TMEM132D: variants seen among roughly 807,000 people sequenced by gnomAD.
TMEM132D encodes the protein transmembrane protein 132D.
TMEM132D carries 21 observed loss-of-function variants against 62.3 expected under a neutral mutation model. The ratio of observed to expected loss-of-function variants is 0.34; its 90% CI spans 0.24 to 0.49. The LOEUF is 0.49. Ranked by LOEUF, TMEM132D falls within the 20% of genes least tolerant of loss-of-function variation. The pLI is 0.99. For missense variants in TMEM132D, 1,346 were observed against 1,402.8 expected (o/e 0.96, Z 0.65); for synonymous variants, 621 against 575.6 (o/e 1.08, Z -1.13).
Position 129,611,118 on chromosome 12 carries a change from T to C in TMEM132D, c.969-79913A>G, listed in dbSNP as rs73157243. ...GCCTCACTGCCTTCCTTTCTTTTTCTTCCCTTCTTTATTTTTATTTTTGCA... is the reference window on the plus strand; with the variant it reads ...GCCTCACTGCCTTCCTTTCTTTTTCCTCCCTTCTTTATTTTTATTTTTGCA... On this transcript the variant is annotated intron_variant, in intron 2 of 8. Transcript: ENST00000422113. Among the ~76,000 whole-genome samples the C allele has an allele frequency of 9.8e-3, 1,492 of 152,328 alleles. 9 individuals carry two copies. Among genetic ancestry groups the C allele is most frequent in the Middle Eastern group, 0.017 (5 of 294 alleles).
chr12:129,330,856 A>G (rs1869080599), intron 4 of TMEM132D, among the ~76,000 whole-genome samples: 1 of 152,228 alleles, frequency 6.6e-6, no homozygotes, highest in Non-Finnish European at 1.5e-5. Flanking sequence ...GAATAAAATG[A>G]GACGAGGAAG....
At chr12:129,824,554 C>G (rs911983813) in intron 1 of TMEM132D, among the ~76,000 whole-genome samples, 2 of 152,018 alleles carry the variant, frequency 1.3e-5, no homozygotes, top group African/African-American at 4.8e-5. Context: ...TGGGGGCCCC[C>G]GGGATGGGAC....
At chr12:129,894,568 T>C (rs890645838) in intron 1 of TMEM132D, among the ~76,000 whole-genome samples, 1 of 152,202 alleles carries the variant, frequency 6.6e-6, no homozygotes, top group Non-Finnish European at 1.5e-5. Context: ...AAGCTTCATG[T>C]AACAGAGTCC....
chr12:129,232,179 A>T (rs528537598), intron 4 of TMEM132D, among the ~76,000 whole-genome samples: 2 of 152,186 alleles, frequency 1.3e-5, no homozygotes, highest in East Asian at 3.9e-4. Context: ...TCTAATAGGC[A>T]GCAAAGTGTG....
chr12:129,716,480 G>C (rs758188200), intron 1 of TMEM132D, among the ~76,000 whole-genome samples: 6 of 152,176 alleles, frequency 3.9e-5, no homozygotes, highest in Non-Finnish European at 8.8e-5. Flanking sequence ...AACCACAGCT[G>C]ACCTACAAGG....
At chr12:129,350,206 A>C (rs1193451649) in intron 3 of TMEM132D, among the ~76,000 whole-genome samples, 1 of 152,088 alleles carries the variant, frequency 6.6e-6, no homozygotes, top group Non-Finnish European at 1.5e-5. Flanking sequence ...TGCAAAACAC[A>C]CTCCTTGAAT....
intron 1 of TMEM132D, among the ~76,000 whole-genome samples, chr12:129,727,427 C>A (rs1869076685): frequency 6.6e-6 from 1 of 152,164 alleles, no homozygotes; most frequent in Non-Finnish European, 1.5e-5. Context: ...TGGTACCAAT[C>A]CATTCATGAA....
Position 129,886,243 on chromosome 12 carries a change from G to A in TMEM132D, c.79+17018C>T, listed in dbSNP as rs144721030. Among the ~76,000 whole-genome samples, 378 of 152,246 alleles carry A rather than the reference G, an allele frequency of 2.5e-3. 4 individuals carry two copies. Among genetic ancestry groups the A allele is most frequent in the African/African-American group, 8.8e-3 (365 of 41,552 alleles). ...GGTAGTGTTAAGCTCCTTGATTAAA[G>A]GAACTGTCTAATTGTACTTTTGCAA... On this transcript the variant is annotated intron_variant, in intron 1 of 8. Coordinates refer to ENST00000422113, the MANE Select transcript of TMEM132D (RefSeq NM_133448.3).
intron 4 of TMEM132D, among the ~76,000 whole-genome samples, chr12:129,334,503 A>AACC (rs1379832859): frequency 6.6e-6 from 1 of 152,230 alleles, no homozygotes; most frequent in Non-Finnish European, 1.5e-5. Context: ...GAAGACTCAG[A>AACC]ACCACTACCA....
intron 4 of TMEM132D, among the ~76,000 whole-genome samples, chr12:129,294,715 C>A (rs564236438): frequency 3.8e-4 from 58 of 152,304 alleles, no homozygotes; most frequent in African/African-American, 1.4e-3. Flanking sequence ...AGGTCCCAAG[C>A]ATTTTTATTT....
chr12:129,530,963 C>G (rs1212910366), intron 3 of TMEM132D, 96 bp downstream of exon 3: 1 of 1,306,972 alleles, frequency 7.7e-7, no homozygotes, highest in East Asian at 2.4e-5. Flanking sequence ...ATGCAAACCA[C>G]AGTGGAAATG....
intron 2 of TMEM132D, among the ~76,000 whole-genome samples, chr12:129,649,559 ACT>A (rs762926213): frequency 6.6e-6 from 1 of 152,058 alleles, no homozygotes; most frequent in Non-Finnish European, 1.5e-5. Context: ...TAAATTCTTA[ACT>A]CTCATAAGTT....
intron 3 of TMEM132D, among the ~76,000 whole-genome samples, chr12:129,393,964 G>C (rs1194974978): frequency 6.6e-6 from 1 of 152,152 alleles, no homozygotes; most frequent in Admixed American, 6.5e-5. Flanking sequence ...CTGTCAAGTA[G>C]AAATATTTTT....
rs1879337676 is a variant in TMEM132D at position 129,221,228 on chromosome 12, G to A, written c.1300-11565C>T. Among the ~76,000 whole-genome samples the A allele has an allele frequency of 2.6e-5, 4 of 152,190 alleles. 1 individual carries two copies. The South Asian group carries it at 8.3e-4, about 32-fold the overall frequency. ...GCCACCAAGGAGGCTCTGTGTTCCA[G>A]ATGATGCAGTGAGGAGATGCTGGAG... On this transcript the variant is annotated intron_variant, in intron 4 of 8. Coordinates refer to ENST00000422113, the MANE Select transcript of TMEM132D (RefSeq NM_133448.3).
intron 1 of TMEM132D, among the ~76,000 whole-genome samples, chr12:129,797,581 G>A (rs771406094): frequency 3.3e-4 from 50 of 152,200 alleles, no homozygotes; most frequent in African/African-American, 8.7e-4. Flanking sequence ...TGAAAGTCCC[G>A]GCTGTGACTT....
intron 4 of TMEM132D, chr12:129,212,030 C>T (rs930957265): frequency 2.0e-5 from 3 of 152,024 alleles, no homozygotes; most frequent in Non-Finnish European, 4.4e-5. Context: ...ACTTGCTGGC[C>T]GAAACTGGCT....
At chr12:129,286,019 T>C (rs968171057) in intron 4 of TMEM132D, among the ~76,000 whole-genome samples, 6 of 152,236 alleles carry the variant, frequency 3.9e-5, no homozygotes, top group African/African-American at 1.4e-4. Flanking sequence ...GATTTTCTTC[T>C]TGCTAACAAG....
At chr12:129,893,672 T>G (rs543031) in intron 1 of TMEM132D, among the ~76,000 whole-genome samples, 5,386 of 152,346 alleles carry the variant, frequency 0.035, 321 homozygotes, top group African/African-American at 0.12. Context: ...AGGAGACCAA[T>G]GTAGCACAAT....
At chr12:129,505,498 C>A (rs1324431708) in intron 3 of TMEM132D, among the ~76,000 whole-genome samples, 1 of 152,126 alleles carries the variant, frequency 6.6e-6, no homozygotes, top group African/African-American at 2.4e-5. Flanking sequence ...CCACCTCGGC[C>A]TCCCACGGTG....
Sources: allele counts gnomAD v4.1 joint callset (sites outside exome capture counted in the v4.1 genomes callset), GRCh38; gene constraint gnomAD v4.1.1; transcripts MANE v1.5; gene names NCBI Gene and HGNC (gene_info 2026-07-23, HGNC 2026-07-21).